Variants in RIN3 observed in about 807,000 individuals in gnomAD.
RIN3 encodes the protein Ras and Rab interactor 3.
RIN3 carries 54 observed loss-of-function variants against 76.3 expected under a neutral mutation model. The observed-to-expected ratio is 0.71, with a 90% CI of 0.57 to 0.89. RIN3 has a LOEUF of 0.89. Among genes scored for constraint, RIN3 ranks in the 40% least tolerant of loss-of-function variants. RIN3 has a pLI of 0.00. For synonymous variants in RIN3, 576 were observed against 564.0 expected, an observed-to-expected ratio of 1.02 and a Z score of -0.30; for missense variants, 1,256 against 1,322.1, an observed-to-expected ratio of 0.95 and a Z score of 0.78.
At chr14:92,610,153 C>T (rs986141527) in intron 3 of RIN3, among the ~76,000 whole-genome samples, 2 of 152,066 alleles carry the variant, frequency 1.3e-5, no homozygotes, top group Non-Finnish European at 2.9e-5. Flanking sequence ...CATTTCATCA[C>T]CTCAGAAAAG....
intron 7 of RIN3, among the ~76,000 whole-genome samples, chr14:92,663,299 C>T (rs1887955329): frequency 6.6e-6 from 1 of 152,160 alleles, no homozygotes; most frequent in Non-Finnish European, 1.5e-5. Flanking sequence ...TACCAGAGAG[C>T]AGGGATTCGA....
At chr14:92,594,933 T>G (rs1163506921) in intron 3 of RIN3, among the ~76,000 whole-genome samples, 1 of 152,246 alleles carries the variant, frequency 6.6e-6, no homozygotes, top group African/African-American at 2.4e-5. Flanking sequence ...CAACATGTGT[T>G]TTCCTTTATA....
At chr14:92,577,153 G>C in intron 2 of RIN3, 2 of 480,774 alleles carry the variant, frequency 4.2e-6, no homozygotes, top group South Asian at 4.7e-5. Flanking sequence ...ATGAGAAACT[G>C]AGCATGCAGG....
chr14:92,549,290 G>A (rs867989927), intron 1 of RIN3, among the ~76,000 whole-genome samples: 2 of 152,116 alleles, frequency 1.3e-5, no homozygotes, highest in Admixed American at 6.5e-5. Flanking sequence ...GCCCCCTGGC[G>A]TGTTCTGGCC....
intron 1 of RIN3, among the ~76,000 whole-genome samples, chr14:92,538,069 C>T (rs1595397126): frequency 6.6e-6 from 1 of 151,576 alleles, no homozygotes; most frequent in South Asian, 2.1e-4. Context: ...TTGTGATCCA[C>T]CTGCCTCGGC....
At position 92,513,790 on chromosome 14, in the gene RIN3, C is replaced by G; in HGVS notation, c.-143C>G. 2.3e-6 allele frequency: 1 copy of G among 433,286 alleles called. No individual in the cohort carries two copies. Among genetic ancestry groups the G allele is most frequent in the Non-Finnish European group, 3.8e-6 (1 of 263,122 alleles). The allele number at this position is 433,286 out of a possible 1,614,324, so 26.8% of individuals were successfully genotyped here. On this transcript the variant is annotated 5_prime_UTR_variant, in exon 1 of 10. Coordinates refer to ENST00000216487, the MANE Select transcript of RIN3 (RefSeq NM_024832.5). ...CTCCGATACAGGAAGTAGAAGGGAG[C>G]GAGAGCCCCAGAGCGCGGCGGCAGC...
At chr14:92,607,490 C>T (rs948654547) in intron 3 of RIN3, among the ~76,000 whole-genome samples, 11 of 152,180 alleles carry the variant, frequency 7.2e-5, no homozygotes, top group African/African-American at 2.7e-4. Context: ...GTGGTGCATG[C>T]CTGTGGTTCC....
chr14:92,688,326 C>A lies in RIN3; in HGVS notation c.*74C>A. ...GCCTCTGGCTGCGCACTCCCGACCG[C>A]GACGTCCACGCAGCAGAGGGACATG... On this transcript the variant is annotated 3_prime_UTR_variant, in exon 10 of 10. Transcript: ENST00000216487. The A allele has an allele frequency of 7.4e-7, 1 of 1,353,058 alleles. No homozygotes were observed. The highest frequency in any genetic ancestry group is 2.5e-5 in the East Asian group (1 of 39,514). 83.8% of individuals were successfully genotyped at this position (1,353,058 alleles called of 1,614,324 possible).
At chr14:92,632,127 G>A (rs11621652) in intron 4 of RIN3, among the ~76,000 whole-genome samples, 13,708 of 152,180 alleles carry the variant, frequency 0.09, 871 homozygotes, top group East Asian at 0.27. Flanking sequence ...GGCAGCTCTG[G>A]AGCATAAAGT....
intron 2 of RIN3, among the ~76,000 whole-genome samples, chr14:92,572,039 G>A (rs1250222232): frequency 6.6e-6 from 1 of 152,234 alleles, no homozygotes; most frequent in East Asian, 1.9e-4. Context: ...CTTTACAGCA[G>A]GAACAAAAGG....
intron 4 of RIN3, among the ~76,000 whole-genome samples, chr14:92,627,089 G>T (rs1309518015): frequency 2.0e-5 from 3 of 152,068 alleles, no homozygotes; most frequent in Non-Finnish European, 4.4e-5. Flanking sequence ...TAATATTTCA[G>T]CATGAGACCT....
chr14:92,534,859 C>A (rs555700431), intron 1 of RIN3, among the ~76,000 whole-genome samples: 91 of 152,252 alleles, frequency 6.0e-4, no homozygotes, highest in African/African-American at 2.1e-3. Context: ...CTGAAGTGTT[C>A]ACCTGTTACT....
intron 1 of RIN3, among the ~76,000 whole-genome samples, chr14:92,520,045 TAGTC>T (rs1449269225): frequency 6.6e-6 from 1 of 152,232 alleles, no homozygotes; most frequent in Non-Finnish European, 1.5e-5. Flanking sequence ...ACAGTGCTGA[TAGTC>T]AGAAGCTTTG....
intron 4 of RIN3, among the ~76,000 whole-genome samples, chr14:92,625,938 T>C (rs1431111607): frequency 6.6e-6 from 1 of 152,212 alleles, no homozygotes; most frequent in Admixed American, 6.5e-5. Flanking sequence ...CTGCAACTTC[T>C]TTGCTATATC....
chr14:92,562,457 T>C (rs1189026673), intron 2 of RIN3, among the ~76,000 whole-genome samples: 1 of 152,366 alleles, frequency 6.6e-6, no homozygotes, highest in East Asian at 1.9e-4. Context: ...TAATAAATTA[T>C]TTGGAATTTG....
Position 92,514,886 on chromosome 14 carries a change from C to A in RIN3, c.44+910C>A, listed in dbSNP as rs554947825. ...TATTTCTGGGTACCCAGGAGCGCGT[C>A]TGGGGAGGCCATTCCCAGCTTTTTG... On this transcript the variant is annotated intron_variant, in intron 1 of 9. Coordinates refer to ENST00000216487, the MANE Select transcript of RIN3 (RefSeq NM_024832.5). This position sits in a 1 kb window ranked among gnomAD's most constrained non-coding sequence, Gnocchi z 7.2. 6.6e-6 allele frequency among the ~76,000 whole-genome samples: 1 copy of A among 152,312 alleles called. No individual in the cohort carries two copies. The highest frequency in any genetic ancestry group is 1.9e-4 in the East Asian group (1 of 5,178).
At chr14:92,680,732 T>C (rs550013656) in intron 8 of RIN3, among the ~76,000 whole-genome samples, 1 of 152,204 alleles carries the variant, frequency 6.6e-6, no homozygotes, top group African/African-American at 2.4e-5. Context: ...CAAGCCATTC[T>C]GTGTTCGACA....
At chr14:92,516,138 A>G (rs1350526064) in intron 1 of RIN3, among the ~76,000 whole-genome samples, 2 of 152,224 alleles carry the variant, frequency 1.3e-5, no homozygotes, top group African/African-American at 2.4e-5. Context: ...TTTTTGCTAT[A>G]TTAAAGGTCT....
At position 92,651,578 on chromosome 14, in the gene RIN3, A is replaced by C; in HGVS notation, c.533-4A>C. 2.9e-6 allele frequency: 4 copies of C among 1,386,292 alleles called. No individual in the cohort carries two copies. The highest frequency in any genetic ancestry group is 1.6e-5 in the African/African-American group (1 of 61,396). The allele number at this position is 1,386,292 out of a possible 1,614,324, so 85.9% of individuals were successfully genotyped here. ...GACCCCCTGCCCCTCTCTTGCTTCC[A>C]CAGGTTTCTGGGACTCCTCGCTGAA... On this transcript the variant is annotated splice_polypyrimidine_tract_variant and splice_region_variant and intron_variant, in intron 5 of 9. Transcript: ENST00000216487.
Sources: gnomAD v4.1 joint callset for allele counts (sites outside exome capture counted in the v4.1 genomes callset) on GRCh38, gnomAD v4.1.1 for gene constraint, Gnocchi (gnomAD v3.1) non-coding constraint, MANE v1.5 for transcripts, NCBI Gene and HGNC (gene_info 2026-07-23, HGNC 2026-07-21) for gene names.